CDH12: variants seen among roughly 807,000 people sequenced by gnomAD.
The protein encoded by CDH12 is cadherin 12.
A neutral mutation model predicts 74.1 loss-of-function variants in CDH12; 41 were observed. The observed-to-expected ratio is 0.55, with a 90% CI of 0.43 to 0.72. The LOEUF is 0.72. CDH12 is among the 30% of genes least tolerant of loss of function. The pLI is 0.00. For synonymous variants in CDH12, 399 were observed against 355.0 expected, an observed-to-expected ratio of 1.12 and a Z score of -1.39; for missense variants, 945 against 977.2, an observed-to-expected ratio of 0.97 and a Z score of 0.44.
At chr5:22,601,993 A>G (rs1482412132) in intron 1 of CDH12, among the ~76,000 whole-genome samples, 1 of 152,148 alleles carries the variant, frequency 6.6e-6, no homozygotes, top group African/African-American at 2.4e-5. Context: ...ATAACTATAT[A>G]TGAAAATCAA....
chr5:22,472,952 T>C (rs1746026665), intron 2 of CDH12, among the ~76,000 whole-genome samples: 1 of 152,144 alleles, frequency 6.6e-6, no homozygotes, highest in Non-Finnish European at 1.5e-5. Context: ...CAAGGATCTG[T>C]GGAATAAAAA....
intron 4 of CDH12, among the ~76,000 whole-genome samples, chr5:22,177,254 C>T (rs1297103301): frequency 2.0e-5 from 3 of 152,026 alleles, no homozygotes; most frequent in Admixed American, 6.6e-5. Context: ...ACAAATTTCC[C>T]TACCTATTTT....
chr5:22,217,289 G>T (rs964966531), intron 3 of CDH12, among the ~76,000 whole-genome samples: 5 of 151,872 alleles, frequency 3.3e-5, no homozygotes, highest in Non-Finnish European at 7.4e-5. Context: ...TAGAATGGAT[G>T]TTAGCCATCC....
chr5:22,502,361 C>T (rs980368342), intron 2 of CDH12, among the ~76,000 whole-genome samples: 3 of 152,034 alleles, frequency 2.0e-5, no homozygotes, highest in South Asian at 2.1e-4. Context: ...CATGATGGTG[C>T]AGCCTCCCCA....
chr5:22,290,787 C>T (rs138593260), intron 3 of CDH12, among the ~76,000 whole-genome samples: 110 of 152,110 alleles, frequency 7.2e-4, no homozygotes, highest in Middle Eastern at 3.4e-3. Context: ...TACATGCAAC[C>T]TACCAAGACT....
At chr5:22,128,074 G>A (rs1319995041) in intron 4 of CDH12, among the ~76,000 whole-genome samples, 1 of 152,020 alleles carries the variant, frequency 6.6e-6, no homozygotes, top group East Asian at 1.9e-4. Context: ...AGATTGATGT[G>A]TGAGCCAAAG....
At chr5:21,927,993 A>C (rs970603935) in intron 6 of CDH12, among the ~76,000 whole-genome samples, 1 of 151,954 alleles carries the variant, frequency 6.6e-6, no homozygotes, top group Non-Finnish European at 1.5e-5. Flanking sequence ...AATGGCGTGA[A>C]CCCGGGAGGC....
At chr5:21,914,164 C>T (rs539512900) in intron 6 of CDH12, among the ~76,000 whole-genome samples, 1 of 152,300 alleles carries the variant, frequency 6.6e-6, no homozygotes, top group East Asian at 1.9e-4. Context: ...GAAATCCACA[C>T]TGAAAGGGGC....
At chr5:21,999,330 C>T (rs1736471111) in intron 5 of CDH12, among the ~76,000 whole-genome samples, 2 of 152,288 alleles carry the variant, frequency 1.3e-5, no homozygotes, top group South Asian at 4.1e-4. Context: ...TCTCTTCTGA[C>T]ACCACCATTG....
intron 5 of CDH12, among the ~76,000 whole-genome samples, chr5:22,050,124 A>G (rs538095074): frequency 2.8e-4 from 43 of 152,208 alleles, no homozygotes; most frequent in South Asian, 4.1e-4. Flanking sequence ...TCAAAAGTCC[A>G]TATTGATTTG....
In CDH12 at chr5:22,115,208, A is replaced by G. The variant is rs188617950; in HGVS notation, c.-186-36346T>C. On this transcript the variant is annotated intron_variant, in intron 4 of 14. Transcript: ENST00000382254. ...GTTATCTCCCAGGACTGCCTTTTAT[A>G]TACAGACTGTGGAGCGCTATGCATT... is the stretch of plus-strand genomic sequence containing the variant. Among the ~76,000 whole-genome samples the G allele has an allele frequency of 1.2e-4, 19 of 152,322 alleles. No homozygotes were observed. In the East Asian group the frequency reaches 3.7e-3, roughly 29 times the overall value.
chr5:22,397,633 C>A (rs2126437588), intron 3 of CDH12, among the ~76,000 whole-genome samples: 1 of 152,118 alleles, frequency 6.6e-6, no homozygotes, highest in African/African-American at 2.4e-5. Context: ...CTGCATATGG[C>A]AAATCAGGCA....
At chr5:21,880,005 G>A (rs1369155041) in intron 6 of CDH12, among the ~76,000 whole-genome samples, 1 of 152,224 alleles carries the variant, frequency 6.6e-6, no homozygotes, top group African/African-American at 2.4e-5. Context: ...TGAGCAGACA[G>A]TTCTGATGTC....
chr5:22,266,999 A>C (rs1377498615), intron 3 of CDH12, among the ~76,000 whole-genome samples: 1 of 152,102 alleles, frequency 6.6e-6, no homozygotes, highest in Non-Finnish European at 1.5e-5. Flanking sequence ...ACAATTAAAA[A>C]CAAAACCCTT....
intron 1 of CDH12, among the ~76,000 whole-genome samples, chr5:22,630,961 A>G (rs1214596236): frequency 6.6e-6 from 1 of 152,116 alleles, no homozygotes; most frequent in Non-Finnish European, 1.5e-5. Flanking sequence ...AAACAATCCC[A>G]TGAAATTGTG....
In CDH12 at chr5:22,432,562, C is replaced by CGTGTGT. The variant is rs138983932; in HGVS notation, c.-427-27217_-427-27212dup. On this transcript the variant is annotated intron_variant, in intron 2 of 14. Coordinates refer to ENST00000382254, the MANE Select transcript of CDH12 (RefSeq NM_004061.5). Reference sequence around the variant, plus strand: ...ATATGTTTATGTCTGTGTGTGTGTGCGTGTGTGTGTGTGTGTATAAAATCT... The same window carrying CGTGTGT: ...ATATGTTTATGTCTGTGTGTGTGTGCGTGTGTGTGTGTGTGTGTGTGTATAAAATCT... Among the ~76,000 whole-genome samples, 929 of 149,350 alleles carry CGTGTGT rather than the reference C, an allele frequency of 6.2e-3. 12 individuals carry two copies. The highest frequency in any genetic ancestry group is 0.022 in the African/African-American group (890 of 40,246).
chr5:22,660,275 T>C (rs995053475), intron 1 of CDH12, among the ~76,000 whole-genome samples: 12 of 152,218 alleles, frequency 7.9e-5, no homozygotes, highest in Non-Finnish European at 1.3e-4. Context: ...AAGGTTACTC[T>C]AACTACAACT....
chr5:21,819,851 G>A (rs1748268792), intron 8 of CDH12, among the ~76,000 whole-genome samples: 1 of 151,924 alleles, frequency 6.6e-6, no homozygotes, highest in Non-Finnish European at 1.5e-5. Flanking sequence ...GAACACATGT[G>A]CATCTCACTT....
chr5:22,763,560 A>T (rs1441201314), intron 1 of CDH12, among the ~76,000 whole-genome samples: 4 of 151,940 alleles, frequency 2.6e-5, no homozygotes, highest in Non-Finnish European at 5.9e-5. Context: ...GAACTATTCT[A>T]AGTATTTGAG....
Sources: allele counts gnomAD v4.1 joint callset (sites outside exome capture counted in the v4.1 genomes callset), GRCh38; gene constraint gnomAD v4.1.1; transcripts MANE v1.5; gene names NCBI Gene and HGNC (gene_info 2026-07-23, HGNC 2026-07-21).